The following ALK variants were observed in gnomAD, a reference collection of about 807,000 sequenced individuals.
The protein encoded by ALK is ALK receptor tyrosine kinase, also known as ALK tyrosine kinase receptor.
Under a neutral mutation model 163.1 loss-of-function variants are expected in ALK, and 74 were observed. That is an observed-to-expected ratio of 0.45 (90% CI 0.38 to 0.55). The LOEUF (loss-of-function observed/expected upper bound fraction) is 0.55. ALK is among the 20% of genes least tolerant of loss of function. The probability of loss-of-function intolerance (pLI) is 0.00; values close to 1 mark genes in which losing one functional copy is unlikely to be tolerated. For synonymous variants in ALK, 960 were observed against 843.2 expected (o/e 1.14, Z -2.40); for missense variants, 2,063 against 2,105.3 (o/e 0.98, Z 0.39).
intron 3 of ALK, among the ~76,000 whole-genome samples, chr2:29,538,325 G>A (rs930945406): frequency 6.6e-6 from 1 of 152,148 alleles, no homozygotes; most frequent in African/African-American, 2.4e-5. Context: ...CCTCATGAAT[G>A]GTTTAATACA....
intron 4 of ALK, among the ~76,000 whole-genome samples, chr2:29,486,876 T>G (rs1252573362): frequency 6.6e-6 from 1 of 152,176 alleles, no homozygotes; most frequent in African/African-American, 2.4e-5. Context: ...TCTAATACAA[T>G]AATGAGCTTA....
intron 9 of ALK, among the ~76,000 whole-genome samples, chr2:29,285,968 G>A (rs912520970): frequency 7.2e-5 from 11 of 152,184 alleles, no homozygotes; most frequent in African/African-American, 2.4e-4. Flanking sequence ...GACACAACCA[G>A]GTTGGCTGTT....
chr2:29,752,446 T>C, intron 1 of ALK, among the ~76,000 whole-genome samples: 1 of 149,224 alleles, frequency 6.7e-6, no homozygotes, highest in South Asian at 2.1e-4. Context: ...GCCTCCCGGG[T>C]TCACGCCATT....
chr2:29,669,843 G>T, intron 3 of ALK, among the ~76,000 whole-genome samples: 1 of 148,634 alleles, frequency 6.7e-6, no homozygotes, highest in South Asian at 2.2e-4. Context: ...ACTTATCTTA[G>T]ATCACAAATA....
chr2:29,809,264 C>G (rs1260654384), intron 1 of ALK, among the ~76,000 whole-genome samples: 1 of 152,202 alleles, frequency 6.6e-6, no homozygotes, highest in East Asian at 1.9e-4. Flanking sequence ...ACATGTTGTA[C>G]TTGGACCTTC....
intron 3 of ALK, among the ~76,000 whole-genome samples, chr2:29,656,055 A>T (rs544999511): frequency 1.3e-5 from 2 of 152,298 alleles, no homozygotes; most frequent in Admixed American, 1.3e-4. Context: ...TAAACAGAGG[A>T]GACACTAGAA....
chr2:29,336,746 C>T (rs1297634692), intron 5 of ALK, among the ~76,000 whole-genome samples: 1 of 152,144 alleles, frequency 6.6e-6, no homozygotes, highest in Non-Finnish European at 1.5e-5. Context: ...TAAACGAATG[C>T]CACATTTTAG....
At chr2:29,273,020 T>C (rs1333207087) in intron 11 of ALK, among the ~76,000 whole-genome samples, 1 of 152,352 alleles carries the variant, frequency 6.6e-6, no homozygotes, top group Non-Finnish European at 1.5e-5. Context: ...ACCTAGGCTA[T>C]GGGACCACGC....
intron 1 of ALK, among the ~76,000 whole-genome samples, chr2:29,747,208 C>T (rs1680227669): frequency 6.6e-6 from 1 of 152,338 alleles, no homozygotes; most frequent in South Asian, 2.1e-4. Flanking sequence ...AGAGGGAAAA[C>T]AGCCCATTTC....
chr2:29,384,246 A>T (rs941564375), intron 4 of ALK, among the ~76,000 whole-genome samples: 3 of 152,240 alleles, frequency 2.0e-5, no homozygotes, highest in African/African-American at 7.2e-5. Context: ...GTATCACTCT[A>T]TTCAAAATTA....
At chr2:29,333,171 C>T (rs1175207632) in intron 5 of ALK, among the ~76,000 whole-genome samples, 3 of 151,984 alleles carry the variant, frequency 2.0e-5, no homozygotes, top group Admixed American at 6.6e-5. Flanking sequence ...GCTGGAGTGC[C>T]GTGGTGCAAT....
chr2:29,212,538 A>T lies in ALK; in HGVS notation c.3743+1446T>A, dbSNP rs571126344. ...GCTGGAGGGAGAACTGAAGGCTAAAAGGATGAAGTGACAGGAAGAGGATAA... is the reference window on the plus strand; with the variant it reads ...GCTGGAGGGAGAACTGAAGGCTAAATGGATGAAGTGACAGGAAGAGGATAA... On this transcript the variant is annotated intron_variant, in intron 24 of 28. Transcript: ENST00000389048. Among the ~76,000 whole-genome samples the T allele has an allele frequency of 4.6e-5, 7 of 152,366 alleles. No individual in the cohort carries two copies. In the South Asian group the frequency reaches 1.5e-3, roughly 32 times the overall value.
intron 6 of ALK, among the ~76,000 whole-genome samples, chr2:29,327,904 C>T (rs555834918): frequency 6.6e-6 from 1 of 152,012 alleles, no homozygotes; most frequent in South Asian, 2.1e-4. Flanking sequence ...AAGGGGAGAC[C>T]ATGTGAGCAA....
chr2:29,640,178 C>T (rs941211361), intron 3 of ALK, among the ~76,000 whole-genome samples: 12 of 152,158 alleles, frequency 7.9e-5, no homozygotes, highest in African/African-American at 2.9e-4. Flanking sequence ...ACATTCATCT[C>T]CTCAGTAAGT....
chr2:29,589,306 G>C (rs573226370), intron 3 of ALK, among the ~76,000 whole-genome samples: 1 of 152,178 alleles, frequency 6.6e-6, no homozygotes, highest in Non-Finnish European at 1.5e-5. Context: ...TAACAGGTGA[G>C]GGTCACAGGC....
At chr2:29,498,721 GT>G (rs1672093764) in intron 4 of ALK, among the ~76,000 whole-genome samples, 1 of 152,230 alleles carries the variant, frequency 6.6e-6, no homozygotes, top group African/African-American at 2.4e-5. Flanking sequence ...GGAAGAAGCT[GT>G]TTGTGCTCAC....
At chr2:29,280,394 A>G (rs2148218854) in intron 9 of ALK, among the ~76,000 whole-genome samples, 1 of 151,968 alleles carries the variant, frequency 6.6e-6, no homozygotes, top group African/African-American at 2.4e-5. Context: ...GGTATGTACC[A>G]GGTGGACCAC....
At chr2:29,630,813 T>C (rs1676347256) in intron 3 of ALK, among the ~76,000 whole-genome samples, 1 of 152,196 alleles carries the variant, frequency 6.6e-6, no homozygotes, top group Non-Finnish European at 1.5e-5. Context: ...GCCTAGTTAC[T>C]TACTGACATC....
chr2:29,511,996 A>C (rs539639045), intron 4 of ALK, among the ~76,000 whole-genome samples: 12 of 151,696 alleles, frequency 7.9e-5, no homozygotes, highest in Non-Finnish European at 1.5e-4. Flanking sequence ...TTTCTCCCAC[A>C]CTGTGGCTTG....
Sources: gnomAD v4.1 joint callset for allele counts (sites outside exome capture counted in the v4.1 genomes callset) on GRCh38, gnomAD v4.1.1 for gene constraint, MANE v1.5 for transcripts, NCBI Gene and HGNC (gene_info 2026-07-23, HGNC 2026-07-21) for gene names.